Variants in RFX3 observed in about 807,000 individuals in gnomAD.
RFX3 encodes transcription factor RFX3.
In RFX3, 14 loss-of-function variants were observed where a neutral mutation model predicts 98.6. The ratio of observed to expected loss-of-function variants is 0.14; its 90% CI spans 0.09 to 0.22. The LOEUF is 0.22. Ranked by LOEUF, RFX3 falls within the 10% of genes least tolerant of loss-of-function variation. RFX3 has a pLI of 1.00. For missense variants in RFX3, 639 were observed against 926.9 expected, an observed-to-expected ratio of 0.69 and a Z score of 4.03; for synonymous variants, 383 against 328.4, an observed-to-expected ratio of 1.17 and a Z score of -1.80.
intron 4 of RFX3, among the ~76,000 whole-genome samples, chr9:3,314,178 C>G (rs1348673053): frequency 6.6e-6 from 1 of 152,142 alleles, no homozygotes; most frequent in Non-Finnish European, 1.5e-5. Context: ...GATCTCTTGG[C>G]AGAAACTCTA....
intron 1 of RFX3, among the ~76,000 whole-genome samples, chr9:3,484,593 G>C: frequency 6.6e-6 from 1 of 152,196 alleles, no homozygotes; most frequent in East Asian, 1.9e-4. Context: ...CCAGAAGTTA[G>C]TATCTGAAAA....
chr9:3,249,231 TTC>T (rs1231801458), intron 14 of RFX3, among the ~76,000 whole-genome samples: 1 of 152,148 alleles, frequency 6.6e-6, no homozygotes, highest in Non-Finnish European at 1.5e-5. Flanking sequence ...TACTTTTGTT[TTC>T]TGTTTCATTT....
intron 4 of RFX3, among the ~76,000 whole-genome samples, chr9:3,321,518 T>C (rs1362766213): frequency 6.6e-6 from 1 of 152,206 alleles, no homozygotes; most frequent in Non-Finnish European, 1.5e-5. Flanking sequence ...TCCTTTTCAT[T>C]GGACTGCCTG....
At chr9:3,504,934 TAATA>T (rs1816726812) in intron 1 of RFX3, among the ~76,000 whole-genome samples, 1 of 63,662 alleles carries the variant, frequency 1.6e-5, no homozygotes, top group South Asian at 4.6e-4. Context: ...ATATTATATA[TAATA>T]TATATAATAT....
chr9:3,394,541 T>C (rs1431132188), intron 2 of RFX3, among the ~76,000 whole-genome samples: 4 of 152,188 alleles, frequency 2.6e-5, no homozygotes, highest in African/African-American at 9.7e-5. Context: ...TTCTGTACGA[T>C]TGCAGCACAC....
At chr9:3,516,446 G>A (rs541493744) in intron 1 of RFX3, among the ~76,000 whole-genome samples, 1 of 152,136 alleles carries the variant, frequency 6.6e-6, no homozygotes, top group South Asian at 2.1e-4. Context: ...GCTTATCCAA[G>A]TATAAACAAT....
chr9:3,338,095 C>T (rs1174141774), intron 3 of RFX3, among the ~76,000 whole-genome samples: 1 of 152,004 alleles, frequency 6.6e-6, no homozygotes, highest in African/African-American at 2.4e-5. Flanking sequence ...GTGGAAGACA[C>T]CAAAAGGAAA....
chr9:3,255,525 T>C (rs1398762457), intron 14 of RFX3, among the ~76,000 whole-genome samples: 2 of 152,326 alleles, frequency 1.3e-5, no homozygotes, highest in East Asian at 3.9e-4. Flanking sequence ...ACAGCAGATA[T>C]TAATCTTAGG....
At chr9:3,243,451 G>C (rs914391760) in intron 15 of RFX3, among the ~76,000 whole-genome samples, 3 of 152,006 alleles carry the variant, frequency 2.0e-5, no homozygotes, top group African/African-American at 7.2e-5. Flanking sequence ...TCCAGCTTAG[G>C]GGAGTCCATT....
chr9:3,394,370 G>A (rs1222591405), intron 2 of RFX3, among the ~76,000 whole-genome samples: 2 of 152,298 alleles, frequency 1.3e-5, no homozygotes, highest in East Asian at 3.9e-4. Flanking sequence ...GGCTGAGGCA[G>A]GAGAATGGTG....
Position 3,365,956 on chromosome 9 carries a change from A to C in RFX3, c.118-19192T>G, listed in dbSNP as rs79063890. On this transcript the variant is annotated intron_variant, in intron 2 of 16. Transcript: ENST00000617270. ...TTCTAAGTTAACTCTCTAACTTAGG[A>C]GTTACCACTGGGAGGCTGTCTGTGT... 2.6e-3 allele frequency among the ~76,000 whole-genome samples: 394 copies of C among 151,846 alleles called. 9 individuals carry two copies. In the East Asian group the frequency reaches 0.069, roughly 27 times the overall value.
chr9:3,260,973 T>C (rs941755773), intron 13 of RFX3, among the ~76,000 whole-genome samples: 1 of 151,362 alleles, frequency 6.6e-6, no homozygotes, highest in Non-Finnish European at 1.5e-5. Context: ...AATGAACAAC[T>C]AATTTTTATC....
chr9:3,514,541 C>G (rs1222145989), intron 1 of RFX3, among the ~76,000 whole-genome samples: 1 of 152,228 alleles, frequency 6.6e-6, no homozygotes, highest in East Asian at 1.9e-4. Context: ...GCCTCCACCT[C>G]GAGGGCTGAA....
intron 1 of RFX3, among the ~76,000 whole-genome samples, chr9:3,472,751 T>C (rs770583399): frequency 1.3e-5 from 2 of 152,220 alleles, no homozygotes; most frequent in East Asian, 3.8e-4. Flanking sequence ...GAATGAATAC[T>C]AGGCTTATCA....
chr9:3,505,182 A>G (rs1487224419), intron 1 of RFX3, among the ~76,000 whole-genome samples: 10 of 94,842 alleles, frequency 1.1e-4, no homozygotes, highest in African/African-American at 4.6e-4. Flanking sequence ...TCATATAAAT[A>G]TATATATGAA....
At chr9:3,394,886 T>C (rs1171304883) in intron 2 of RFX3, 7 of 968,484 alleles carry the variant, frequency 7.2e-6, no homozygotes, top group Non-Finnish European at 8.6e-6. Context: ...GCCCTGCGTA[T>C]GAATAAGACC....
intron 15 of RFX3, among the ~76,000 whole-genome samples, chr9:3,239,816 T>C (rs1222872224): frequency 6.6e-6 from 1 of 152,238 alleles, no homozygotes; most frequent in East Asian, 1.9e-4. Context: ...TGGATGTGAC[T>C]TCTTGGAGCC....
intron 6 of RFX3, among the ~76,000 whole-genome samples, chr9:3,291,916 A>T (rs573298196): frequency 1.6e-4 from 24 of 151,626 alleles, no homozygotes; most frequent in Admixed American, 1.2e-3. Context: ...AATTAGCTGG[A>T]CGTGGTGGCA....
In RFX3 at chr9:3,221,126, G is replaced by C. The variant is rs945146481; in HGVS notation, c.*3916C>G. The C allele has an allele frequency of 2.0e-5, 3 of 152,040 alleles. No individual in the cohort carries two copies. Among genetic ancestry groups the C allele is most frequent in the Non-Finnish European group, 4.4e-5 (3 of 67,996 alleles). 9.4% of individuals were successfully genotyped at this position (152,040 alleles called of 1,614,324 possible). On this transcript the variant is annotated 3_prime_UTR_variant, in exon 17 of 17. Transcript: ENST00000617270. Reference sequence around the variant, plus strand: ...CTCAAATTGTACACAAAGGTGACTTGCCAAGTTTTTTCTTTCTACTTGTGT... The same window carrying C: ...CTCAAATTGTACACAAAGGTGACTTCCCAAGTTTTTTCTTTCTACTTGTGT...
Sources: allele counts gnomAD v4.1 joint callset (sites outside exome capture counted in the v4.1 genomes callset), GRCh38; gene constraint gnomAD v4.1.1; transcripts MANE v1.5; gene names NCBI Gene and HGNC (gene_info 2026-07-23, HGNC 2026-07-21).